DLGAP2: variants seen among roughly 807,000 people sequenced by gnomAD.
The protein encoded by DLGAP2 is DLG associated protein 2.
A neutral mutation model predicts 100.3 loss-of-function variants in DLGAP2; 26 were observed. The observed-to-expected ratio is 0.26, with a 90% CI of 0.19 to 0.36. DLGAP2 has a LOEUF of 0.36. DLGAP2 is among the 10% of genes least tolerant of loss of function. The pLI is 1.00. For synonymous variants in DLGAP2, 886 were observed against 630.1 expected (o/e 1.41, Z -6.08); for missense variants, 1,858 against 1,453.2 (o/e 1.28, Z -4.53).
intron 1 of DLGAP2, among the ~76,000 whole-genome samples, chr8:794,612 C>T (rs540438982): frequency 3.9e-5 from 6 of 152,294 alleles, no homozygotes; most frequent in African/African-American, 1.4e-4. Flanking sequence ...TGGTTTTCTA[C>T]CCTGGGCAGG....
At chr8:1,039,034 G>A (rs77878899) in intron 2 of DLGAP2, among the ~76,000 whole-genome samples, 8,727 of 152,188 alleles carry the variant, frequency 0.057, 417 homozygotes, top group East Asian at 0.14. Context: ...GTAATTTTTC[G>A]GAAACTTAGT....
chr8:876,805 C>T (rs1797694059), intron 1 of DLGAP2, among the ~76,000 whole-genome samples: 1 of 152,042 alleles, frequency 6.6e-6, no homozygotes. Flanking sequence ...CTTCTGAGCT[C>T]CTTCAGTTGT....
At chr8:1,373,267 C>G (rs1217841212) in intron 3 of DLGAP2, among the ~76,000 whole-genome samples, 2 of 150,532 alleles carry the variant, frequency 1.3e-5, no homozygotes, top group South Asian at 2.1e-4. Context: ...GCCGCCGCCA[C>G]GCGCGTGCGG....
intron 3 of DLGAP2, among the ~76,000 whole-genome samples, chr8:1,431,828 C>T (rs756302716): frequency 2.0e-5 from 3 of 152,184 alleles, no homozygotes; most frequent in Non-Finnish European, 2.9e-5. Flanking sequence ...CTGATGCCTC[C>T]GTGTCGATGG....
chr8:760,543 T>C (rs757865228), intron 1 of DLGAP2, among the ~76,000 whole-genome samples: 3 of 152,218 alleles, frequency 2.0e-5, no homozygotes, highest in Non-Finnish European at 4.4e-5. Context: ...CAAAATAATT[T>C]TGCCTAAGAA....
rs1563165008 is a variant in DLGAP2 at position 1,464,390 on chromosome 8, C to CA, written c.107-36976_107-36975insA. On this transcript the variant is annotated intron_variant, in intron 3 of 14. Transcript: ENST00000637795. ...ACGCCCTTCCAGGATGGCACCCTTC[C>CA]GGAATGGCATCCTTCCAGGACAGCT... Among the ~76,000 whole-genome samples the CA allele has an allele frequency of 0.014, 494 of 35,508 alleles. 138 individuals are homozygous for CA. In the East Asian group the frequency reaches 0.14, roughly 10 times the overall value. The allele number at this position is 35,508 out of a possible 152,430, so 23.3% of individuals were successfully genotyped here.
At chr8:1,520,908 C>G (rs892681452) in intron 4 of DLGAP2, among the ~76,000 whole-genome samples, 1 of 152,164 alleles carries the variant, frequency 6.6e-6, no homozygotes, top group African/African-American at 2.4e-5. Context: ...TGGTGAGTGC[C>G]TAGTTTTGTA....
intron 6 of DLGAP2, among the ~76,000 whole-genome samples, chr8:1,594,027 G>C (rs2956934): frequency 0.74 from 113,230 of 152,006 alleles, 42,447 homozygotes; most frequent in East Asian, 0.92. Flanking sequence ...TAGTAGATGC[G>C]ATGGTGTTCT....
intron 1 of DLGAP2, among the ~76,000 whole-genome samples, chr8:862,353 A>C (rs933148342): frequency 3.5e-5 from 5 of 143,560 alleles, no homozygotes; most frequent in African/African-American, 1.3e-4. Flanking sequence ...CCCAGGCTGG[A>C]GTGCAGTGGC....
At chr8:1,105,926 A>G (rs1204903676) in intron 2 of DLGAP2, among the ~76,000 whole-genome samples, 1 of 145,814 alleles carries the variant, frequency 6.9e-6, no homozygotes, top group Non-Finnish European at 1.5e-5. Context: ...GAAGGAGGCC[A>G]TTCTAGGAGT....
intron 2 of DLGAP2, among the ~76,000 whole-genome samples, chr8:1,147,255 C>A (rs11783629): frequency 1.7e-4 from 26 of 151,822 alleles, no homozygotes; most frequent in Non-Finnish European, 2.2e-4. Flanking sequence ...ACTTTATGTG[C>A]GTCAAAAAAA....
intron 2 of DLGAP2, 98 bp from the exon 3 acceptor site, chr8:1,258,753 C>G: frequency 3.7e-6 from 4 of 1,086,714 alleles, no homozygotes; most frequent in Non-Finnish European, 4.7e-6. Context: ...GCGGCGTCAT[C>G]TTAAAGTTGT....
At chr8:1,054,133 C>T (rs552288488) in intron 2 of DLGAP2, among the ~76,000 whole-genome samples, 2 of 152,236 alleles carry the variant, frequency 1.3e-5, no homozygotes, top group South Asian at 2.1e-4. Flanking sequence ...GGGAAGCTTC[C>T]TATAGATTTT....
chr8:1,253,045 T>C (rs12674806), intron 2 of DLGAP2, among the ~76,000 whole-genome samples: 61,432 of 152,086 alleles, frequency 0.4, 13,009 homozygotes, highest in East Asian at 0.69. Context: ...CCTCCGCTGC[T>C]TGCACTGCAC....
intron 3 of DLGAP2, among the ~76,000 whole-genome samples, chr8:1,337,346 GGAT>G (rs1048353156): frequency 2.9e-5 from 3 of 101,938 alleles, no homozygotes; most frequent in Non-Finnish European, 5.8e-5. Flanking sequence ...GTAATAGTGA[GGAT>G]GATGGGGGTG....
chr8:1,556,360 G>A (rs1049587923), intron 5 of DLGAP2, among the ~76,000 whole-genome samples: 3 of 151,638 alleles, frequency 2.0e-5, no homozygotes, highest in Admixed American at 2.0e-4. Context: ...ACAGCTGAGG[G>A]TCTGCTCCTG....
chr8:1,649,233 T>C (rs1798109734), intron 8 of DLGAP2, among the ~76,000 whole-genome samples: 1 of 151,918 alleles, frequency 6.6e-6, no homozygotes, highest in Non-Finnish European at 1.5e-5. Context: ...TTCTTTTTGT[T>C]TCTTCAAAGC....
chr8:1,315,450 C>A (rs1432377169), intron 3 of DLGAP2, among the ~76,000 whole-genome samples: 1 of 142,914 alleles, frequency 7.0e-6, no homozygotes, highest in Non-Finnish European at 1.5e-5. Context: ...CAGCGTCTCT[C>A]CAACAGTGGT....
At chr8:1,051,165 T>C (rs965785728) in intron 2 of DLGAP2, among the ~76,000 whole-genome samples, 3 of 152,050 alleles carry the variant, frequency 2.0e-5, no homozygotes, top group East Asian at 1.9e-4. Context: ...GAGCAGCTTC[T>C]TCCTGGGCAA....
Sources: allele counts gnomAD v4.1 joint callset (sites outside exome capture counted in the v4.1 genomes callset), GRCh38; gene constraint gnomAD v4.1.1; transcripts MANE v1.5; gene names NCBI Gene and HGNC (gene_info 2026-07-23, HGNC 2026-07-21).